The following CPE variants were observed in gnomAD, a reference collection of about 807,000 sequenced individuals.
CPE encodes carboxypeptidase E, also known as carbocypeptidase E.
In CPE, 17 loss-of-function variants were observed where a neutral mutation model predicts 53.5. That is an observed-to-expected ratio of 0.32 (90% CI 0.22 to 0.48). CPE has a LOEUF of 0.48. Among genes scored for constraint, CPE ranks in the 20% least tolerant of loss-of-function variants. The pLI is 0.99. For missense variants in CPE, 524 were observed against 614.7 expected, an observed-to-expected ratio of 0.85 and a Z score of 1.56; for synonymous variants, 226 against 228.8, an observed-to-expected ratio of 0.99 and a Z score of 0.11.
chr4:165,477,131 A>G (rs1732318345), intron 3 of CPE, among the ~76,000 whole-genome samples: 1 of 151,858 alleles, frequency 6.6e-6, no homozygotes, highest in African/African-American at 2.4e-5. Flanking sequence ...AGGATATTTG[A>G]TTGTCAACTT....
intron 1 of CPE, among the ~76,000 whole-genome samples, chr4:165,389,096 T>C (rs552872655): frequency 6.6e-6 from 1 of 152,266 alleles, no homozygotes; most frequent in South Asian, 2.1e-4. Context: ...TTTGAGAAAA[T>C]GCTAAAGCCA....
chr4:165,484,890 C>A (rs1424153961), intron 5 of CPE, among the ~76,000 whole-genome samples: 1 of 152,082 alleles, frequency 6.6e-6, no homozygotes, highest in Non-Finnish European at 1.5e-5. Flanking sequence ...GTTAACTACC[C>A]TACTTTCCAA....
chr4:165,382,748 G>A (rs955580568), intron 1 of CPE, among the ~76,000 whole-genome samples: 5 of 152,210 alleles, frequency 3.3e-5, no homozygotes, highest in African/African-American at 1.2e-4. Flanking sequence ...CTCTCTTCCT[G>A]AGCAGAAAGA....
intron 1 of CPE, among the ~76,000 whole-genome samples, chr4:165,421,398 C>A (rs1026130567): frequency 3.9e-5 from 6 of 152,202 alleles, no homozygotes; most frequent in African/African-American, 1.4e-4. Context: ...GTTTGGTCAG[C>A]AAATAACCTC....
intron 1 of CPE, among the ~76,000 whole-genome samples, chr4:165,383,444 C>G (rs574637582): frequency 6.6e-6 from 1 of 152,166 alleles, no homozygotes; most frequent in African/African-American, 2.4e-5. Context: ...CCAGACCACT[C>G]GACCCGGAGT....
chr4:165,425,741 C>G (rs1731306115), intron 1 of CPE, among the ~76,000 whole-genome samples: 2 of 151,840 alleles, frequency 1.3e-5, no homozygotes, highest in South Asian at 4.1e-4. Flanking sequence ...ATCTTGCTAC[C>G]TAGGGGACAT....
At chr4:165,458,273 T>C (rs1485544612) in intron 1 of CPE, among the ~76,000 whole-genome samples, 1 of 152,226 alleles carries the variant, frequency 6.6e-6, no homozygotes, top group East Asian at 1.9e-4. Context: ...TTTGTGCACA[T>C]TTCATCATGA....
intron 1 of CPE, chr4:165,415,197 C>T (rs1459186386): frequency 1.8e-5 from 3 of 167,014 alleles, no homozygotes; most frequent in African/African-American, 7.2e-5. Context: ...TTACAGGATT[C>T]CATGGCAGTG....
Position 165,379,580 on chromosome 4 carries a change from A to G in CPE, c.307+52A>G. The G allele has an allele frequency of 1.3e-6, 1 of 760,186 alleles. No homozygotes were observed. Among genetic ancestry groups the G allele is most frequent in the Non-Finnish European group, 1.9e-6 (1 of 538,878 alleles). 47.1% of individuals were successfully genotyped at this position (760,186 alleles called of 1,614,324 possible). A position where few individuals can be genotyped will look rare whatever the true frequency, so the allele number is the denominator to read the frequency against. Reference sequence around the variant, plus strand: ...TGGGGGCATCCCGGAGGGGGGCGGCAGAGGGTGGGACTGGTGGCGGTGGGG... The same window carrying G: ...TGGGGGCATCCCGGAGGGGGGCGGCGGAGGGTGGGACTGGTGGCGGTGGGG... On this transcript the variant is annotated intron_variant, in intron 1 of 8. Coordinates refer to ENST00000402744, the MANE Select transcript of CPE (RefSeq NM_001873.4). This position sits in a 1 kb window ranked among gnomAD's most constrained non-coding sequence, Gnocchi z 6.0.
intron 3 of CPE, among the ~76,000 whole-genome samples, chr4:165,472,618 A>C (rs895073560): frequency 6.6e-6 from 1 of 152,202 alleles, no homozygotes; most frequent in Non-Finnish European, 1.5e-5. Context: ...AAACTGAACA[A>C]TAGTTCTTTA....
At position 165,447,988 on chromosome 4, in the gene CPE, G is replaced by T. The variant is rs139198412; in HGVS notation, c.308-16402G>T. On this transcript the variant is annotated intron_variant, in intron 1 of 8. Coordinates refer to ENST00000402744, the MANE Select transcript of CPE (RefSeq NM_001873.4). ...TCATTGACTAGAATGTCATTATATG[G>T]CCTATGACTGTACATTGATTTTACT... 5.4e-4 allele frequency among the ~76,000 whole-genome samples: 82 copies of T among 152,086 alleles called. 2 individuals carry two copies. The East Asian group carries it at 0.014, about 26-fold the overall frequency.
intron 3 of CPE, among the ~76,000 whole-genome samples, chr4:165,481,010 A>ATTTT (rs1424711188): frequency 1.5e-5 from 1 of 65,056 alleles, no homozygotes; most frequent in African/African-American, 5.1e-5. Flanking sequence ...ATATATATAT[A>ATTTT]TATATATTTT....
intron 1 of CPE, among the ~76,000 whole-genome samples, chr4:165,415,689 CATGTT>C (rs1193633120): frequency 6.6e-6 from 1 of 151,828 alleles, no homozygotes; most frequent in African/African-American, 2.4e-5. Context: ...TGATGTGTTA[CATGTT>C]ATATTTGTCA....
At chr4:165,434,369 T>C (rs1268327281) in intron 1 of CPE, among the ~76,000 whole-genome samples, 2 of 152,158 alleles carry the variant, frequency 1.3e-5, no homozygotes, top group African/African-American at 2.4e-5. Flanking sequence ...TGGGTGCAAG[T>C]TGGCAAGCCA....
chr4:165,404,330 C>G, intron 1 of CPE: 6 of 771,694 alleles, frequency 7.8e-6, no homozygotes, highest in Non-Finnish European at 1.5e-5. Flanking sequence ...TGTCAGCAGG[C>G]GGAACTGGAT....
intron 3 of CPE, among the ~76,000 whole-genome samples, chr4:165,480,316 C>T (rs1174771511): frequency 6.6e-6 from 1 of 152,208 alleles, no homozygotes; most frequent in Non-Finnish European, 1.5e-5. Flanking sequence ...TAGATTTTAA[C>T]TTAAAACATT....
At chr4:165,452,232 G>A (rs538747901) in intron 1 of CPE, among the ~76,000 whole-genome samples, 9 of 152,122 alleles carry the variant, frequency 5.9e-5, no homozygotes, top group Non-Finnish European at 1.0e-4. Flanking sequence ...CAACACTACC[G>A]TCGGTAAATT....
In CPE at chr4:165,484,500, C is replaced by T. The variant is rs374345764; in HGVS notation, c.869C>T (p.Pro290Leu). ...GCCCGGGCATACTCTTCTTTCAACC[C>T]GGCCATGTCTGACCCCAATCGGCCA... ...SLARAYSSFN[P>L]AMSDPNRPPC... is the part of the protein sequence containing the mutation. The change falls in exon 5 of 9, where the codon CCG becomes CTG. Residue 290 changes from proline to leucine, a missense_variant. By Grantham distance (98) the Pro-to-Leu change is moderately conservative. Transcript: ENST00000402744. 103 of 1,614,124 alleles carry T rather than the reference C, an allele frequency of 6.4e-5. No homozygotes were observed. Among genetic ancestry groups the T allele is most frequent in the African/African-American group, 3.2e-4 (24 of 75,040 alleles).
At chr4:165,487,373 ACTAGC>A in intron 5 of CPE, 60 bp from the exon 6 acceptor site, 1 of 1,598,666 alleles carries the variant, frequency 6.3e-7, no homozygotes, top group Non-Finnish European at 8.5e-7. Flanking sequence ...GATTCAGAAG[ACTAGC>A]CTGTGTAGAG....
Sources: gnomAD v4.1 joint callset for allele counts (sites outside exome capture counted in the v4.1 genomes callset) on GRCh38, gnomAD v4.1.1 for gene constraint, Gnocchi (gnomAD v3.1) non-coding constraint, MANE v1.5 for transcripts, NCBI Gene and HGNC (gene_info 2026-07-23, HGNC 2026-07-21) for gene names.